PDE4D: variants seen among roughly 807,000 people sequenced by gnomAD.
PDE4D encodes the protein 3',5'-cyclic-AMP phosphodiesterase 4D.
A neutral mutation model predicts 87.4 loss-of-function variants in PDE4D; 24 were observed. The observed-to-expected ratio is 0.27, with a 90% CI of 0.20 to 0.39. The LOEUF (loss-of-function observed/expected upper bound fraction) is 0.39, where lower values mean the gene tolerates loss of function less well. PDE4D is among the 10% of genes least tolerant of loss of function. The pLI is 1.00. For synonymous variants in PDE4D, 384 were observed against 383.2 expected, an observed-to-expected ratio of 1.00 and a Z score of -0.02; for missense variants, 714 against 1,041.0, an observed-to-expected ratio of 0.69 and a Z score of 4.32.
Position 59,095,000 on chromosome 5 carries a change from G to GA in PDE4D, c.809-56030dup, listed in dbSNP as rs796852970. 9.4e-4 allele frequency among the ~76,000 whole-genome samples: 139 copies of GA among 147,106 alleles called. 1 individual carries two copies. The highest frequency in any genetic ancestry group is 3.5e-3 in the Middle Eastern group (1 of 288). ...AAGATTGCCAGACTTCATGTTTCTG[G>GA]AAAAAAAAAAGTACTATTTTTTCAT... On this transcript the variant is annotated intron_variant, in intron 5 of 14. Transcript: ENST00000340635.
chr5:60,222,782 T>C (rs904619819), intron 1 of PDE4D, among the ~76,000 whole-genome samples: 4 of 152,148 alleles, frequency 2.6e-5, no homozygotes, highest in Non-Finnish European at 5.9e-5. Flanking sequence ...TTTATATATT[T>C]TTAATATTCC....
At chr5:60,416,290 AAGC>A (rs1272210990) in intron 1 of PDE4D, among the ~76,000 whole-genome samples, 10 of 152,214 alleles carry the variant, frequency 6.6e-5, no homozygotes, top group Non-Finnish European at 1.3e-4. Flanking sequence ...AAGAGAATAA[AAGC>A]AGGCTGCCTG....
chr5:59,801,258 T>G (rs983011770), intron 1 of PDE4D, among the ~76,000 whole-genome samples: 1 of 152,196 alleles, frequency 6.6e-6, no homozygotes, highest in African/African-American at 2.4e-5. Context: ...TGTAAACCCA[T>G]GAATCTAAAT....
rs114348826 is a variant in PDE4D at position 59,220,084 on chromosome 5, G to A, written c.456-4116C>T. 7.6e-3 allele frequency among the ~76,000 whole-genome samples: 1,157 copies of A among 152,240 alleles called. 10 individuals are homozygous for A. The highest frequency in any genetic ancestry group is 0.01 in the Non-Finnish European group (696 of 68,028). ...TTTATGGAAAGCTGGGCCAAGGAGTGTCAGCAGAAGCTTGTTATAAAGACT... is the reference window on the plus strand; with the variant it reads ...TTTATGGAAAGCTGGGCCAAGGAGTATCAGCAGAAGCTTGTTATAAAGACT... On this transcript the variant is annotated intron_variant, in intron 1 of 14. Transcript: ENST00000340635.
At chr5:60,196,574 C>T (rs1041520971) in intron 1 of PDE4D, among the ~76,000 whole-genome samples, 8 of 151,590 alleles carry the variant, frequency 5.3e-5, no homozygotes, top group African/African-American at 1.7e-4. Flanking sequence ...CAGCATGGTG[C>T]GTAGTTTGCT....
At chr5:60,361,907 C>T (rs1029346837) in intron 1 of PDE4D, among the ~76,000 whole-genome samples, 2 of 152,186 alleles carry the variant, frequency 1.3e-5, no homozygotes, top group African/African-American at 4.8e-5. Flanking sequence ...GATCCTAAAA[C>T]TTGTAAAAAA....
chr5:59,681,977 T>C (rs1749103242), intron 1 of PDE4D, among the ~76,000 whole-genome samples: 2 of 151,522 alleles, frequency 1.3e-5, no homozygotes, highest in Non-Finnish European at 2.9e-5. Context: ...CATCATGTCA[T>C]GATGCAGCAG....
Position 58,981,127 on chromosome 5 carries a change from AAC to A in PDE4D, c.1553-3784_1553-3783del, listed in dbSNP as rs1226718620. On this transcript the variant is annotated intron_variant, in intron 11 of 14. Coordinates refer to ENST00000340635, the MANE Select transcript of PDE4D (RefSeq NM_001104631.2). The stretch of plus-strand genomic sequence containing the variant: ...AAATGCTAATCTAATCTCTTCCAGG[AAC>A]ACTCTCACAGACGCACCCCAAAATA... Among the ~76,000 whole-genome samples, 227 of 152,296 alleles carry A rather than the reference AAC, an allele frequency of 1.5e-3. 3 individuals carry two copies. The highest frequency in any genetic ancestry group is 8.8e-5 in the Non-Finnish European group (6 of 68,028).
chr5:60,339,886 C>T (rs1328872507), intron 1 of PDE4D, among the ~76,000 whole-genome samples: 4 of 152,256 alleles, frequency 2.6e-5, no homozygotes, highest in African/African-American at 9.6e-5. Context: ...TCCGAGGCAA[C>T]TCAGCATGTG....
rs968039879 is a variant in PDE4D at position 60,133,351 on chromosome 5, C to T, written c.42+52206G>A. ...TTATTTATTATTAATTTTTTTTAGA[C>T]GGGGTCTCGTTCTGTTGTCCAGACT... On this transcript the variant is annotated intron_variant, in intron 2 of 16. Coordinates refer to the PDE4D transcript ENST00000502484. 5.3e-5 allele frequency among the ~76,000 whole-genome samples: 8 copies of T among 151,952 alleles called. No individual in the cohort carries two copies. The South Asian group carries it at 8.3e-4, about 16-fold the overall frequency.
chr5:59,070,679 G>A (rs1469122882), intron 5 of PDE4D, among the ~76,000 whole-genome samples: 3 of 151,464 alleles, frequency 2.0e-5, no homozygotes, highest in Admixed American at 6.6e-5. Flanking sequence ...TTTTTTCTTT[G>A]TTTTCCTTCT....
intron 1 of PDE4D, among the ~76,000 whole-genome samples, chr5:59,712,649 T>C (rs1754382066): frequency 1.3e-5 from 2 of 150,220 alleles, no homozygotes; most frequent in South Asian, 4.2e-4. Flanking sequence ...ATAATAATTA[T>C]AATAATATAT....
rs751204559 is a variant in PDE4D, at chr5:60,195,367, T to C, written c.-89-9680A>G. Among the ~76,000 whole-genome samples, 77 of 151,770 alleles carry C rather than the reference T, an allele frequency of 5.1e-4. 1 individual carries two copies. The highest frequency in any genetic ancestry group is 1.0e-3 in the Non-Finnish European group (71 of 67,844). On this transcript the variant is annotated intron_variant, in intron 1 of 16. Transcript: ENST00000502484. ...TTGAGGTTAGAAAACATTTCATGTTTATATATACAATTACAACATAAAATA... is the reference window on the plus strand; with the variant it reads ...TTGAGGTTAGAAAACATTTCATGTTCATATATACAATTACAACATAAAATA...
intron 1 of PDE4D, among the ~76,000 whole-genome samples, chr5:59,300,048 G>GT (rs1769894053): frequency 7.0e-6 from 1 of 143,706 alleles, no homozygotes; most frequent in Non-Finnish European, 1.5e-5. Flanking sequence ...GGAGGTGGAG[G>GT]TTGCAGTGAG....
intron 1 of PDE4D, among the ~76,000 whole-genome samples, chr5:60,331,122 A>T (rs993157234): frequency 1.9e-4 from 29 of 152,224 alleles, no homozygotes; most frequent in Non-Finnish European, 4.4e-5. Context: ...GAACTGGGAA[A>T]TTATAAAAGC....
intron 1 of PDE4D, among the ~76,000 whole-genome samples, chr5:60,287,761 C>A (rs1162944714): frequency 6.6e-6 from 1 of 152,162 alleles, no homozygotes; most frequent in Non-Finnish European, 1.5e-5. Context: ...CCTAAAACTT[C>A]TAAAACTTTG....
intron 1 of PDE4D, among the ~76,000 whole-genome samples, chr5:59,246,910 A>AGT (rs769080713): frequency 2.9e-4 from 43 of 148,900 alleles, no homozygotes; most frequent in African/African-American, 4.4e-4. Flanking sequence ...ACATTATCAC[A>AGT]GTGTGTGTGT....
At chr5:59,445,364 A>G (rs1218864075) in intron 1 of PDE4D, among the ~76,000 whole-genome samples, 1 of 152,226 alleles carries the variant, frequency 6.6e-6, no homozygotes, top group East Asian at 1.9e-4. Context: ...TGGTACTGAC[A>G]TATATTGTTC....
At chr5:59,754,793 G>C (rs1760971789) in intron 1 of PDE4D, among the ~76,000 whole-genome samples, 1 of 118,028 alleles carries the variant, frequency 8.5e-6, no homozygotes, top group Non-Finnish European at 1.7e-5. Context: ...ATTTTCCACA[G>C]AACATTTTTT....
Sources: allele counts gnomAD v4.1 joint callset (sites outside exome capture counted in the v4.1 genomes callset), GRCh38; gene constraint gnomAD v4.1.1; transcripts MANE v1.5; gene names NCBI Gene and HGNC (gene_info 2026-07-23, HGNC 2026-07-21).